The following PLCB1 variants were observed in gnomAD, a reference collection of about 807,000 sequenced individuals.
The protein encoded by PLCB1 is 1-phosphatidylinositol 4,5-bisphosphate phosphodiesterase beta-1.
PLCB1 carries 46 observed loss-of-function variants against 161.8 expected under a neutral mutation model. That is an observed-to-expected ratio of 0.28 (90% CI 0.22 to 0.36). The LOEUF is 0.36. PLCB1 is among the 10% of genes least tolerant of loss of function. The pLI is 1.00. For missense variants in PLCB1, 1,016 were observed against 1,472.5 expected (o/e 0.69, Z 5.07); for synonymous variants, 517 against 503.7 (o/e 1.03, Z -0.35).
intron 2 of PLCB1, among the ~76,000 whole-genome samples, chr20:8,310,036 T>G (rs1600304157): frequency 2.0e-5 from 3 of 152,178 alleles, no homozygotes; most frequent in Admixed American, 1.3e-4. Context: ...CTTTTTTTTT[T>G]CAACTATCTT....
In PLCB1 at chr20:8,498,574, C is replaced by T. The variant is rs567139535; in HGVS notation, c.246+127124C>T. 4.6e-5 allele frequency among the ~76,000 whole-genome samples: 7 copies of T among 152,184 alleles called. No individual in the cohort carries two copies. The South Asian group carries it at 8.3e-4, about 18-fold the overall frequency. On this transcript the variant is annotated intron_variant, in intron 3 of 31. Coordinates refer to ENST00000338037, the MANE Select transcript of PLCB1 (RefSeq NM_015192.4). ...CTTGGGGATCACAATCTCAAGGCGGCGGGGAACATCCGGAAATAAGATAGT... is the reference window on the plus strand; with the variant it reads ...CTTGGGGATCACAATCTCAAGGCGGTGGGGAACATCCGGAAATAAGATAGT...
chr20:8,429,414 T>C (rs183377257), intron 3 of PLCB1, among the ~76,000 whole-genome samples: 116 of 149,994 alleles, frequency 7.7e-4, no homozygotes, highest in Admixed American at 6.4e-3. Flanking sequence ...TTGTCTATTG[T>C]GTTTTTTAGG....
intron 4 of PLCB1, among the ~76,000 whole-genome samples, chr20:8,634,280 C>T (rs898979195): frequency 3.9e-5 from 6 of 152,088 alleles, no homozygotes; most frequent in Admixed American, 6.5e-5. Context: ...AGAAGAAATG[C>T]GCTCTCTAAA....
intron 2 of PLCB1, among the ~76,000 whole-genome samples, chr20:8,343,918 A>G (rs1985902366): frequency 6.6e-6 from 1 of 152,220 alleles, no homozygotes; most frequent in Admixed American, 6.5e-5. Flanking sequence ...GCTTTGTAGG[A>G]TATCAGGATT....
chr20:8,541,011 G>A (rs1005748760), intron 3 of PLCB1, among the ~76,000 whole-genome samples: 2 of 152,092 alleles, frequency 1.3e-5, no homozygotes, highest in East Asian at 1.9e-4. Context: ...CACCCAGAAA[G>A]TAAAGGCATA....
At chr20:8,771,261 A>G (rs1204016589) in intron 26 of PLCB1, among the ~76,000 whole-genome samples, 1 of 152,234 alleles carries the variant, frequency 6.6e-6, no homozygotes, top group Non-Finnish European at 1.5e-5. Context: ...TATTTTGGAT[A>G]TATTAAGTTA....
chr20:8,751,310 T>TA (rs1981469376), intron 23 of PLCB1: 1 of 153,578 alleles, frequency 6.5e-6, no homozygotes, highest in Non-Finnish European at 1.4e-5. Flanking sequence ...AGCCCAGTAA[T>TA]ACATATGATA....
chr20:8,240,028 A>G (rs1980519335), intron 2 of PLCB1, among the ~76,000 whole-genome samples: 2 of 152,032 alleles, frequency 1.3e-5, no homozygotes, highest in Admixed American at 1.3e-4. Flanking sequence ...CAGATTTCTG[A>G]AAACAAATTA....
chr20:8,456,673 A>G (rs996386286), intron 3 of PLCB1, among the ~76,000 whole-genome samples: 1 of 152,232 alleles, frequency 6.6e-6, no homozygotes, highest in African/African-American at 2.4e-5. Flanking sequence ...TTAACAAAAC[A>G]CCATAAACTG....
At chr20:8,439,001 G>A (rs1002525490) in intron 3 of PLCB1, among the ~76,000 whole-genome samples, 11 of 152,138 alleles carry the variant, frequency 7.2e-5, no homozygotes, top group East Asian at 1.9e-4. Context: ...AGTCAGCGAC[G>A]TGCTCTCGTA....
At chr20:8,444,657 TCCCAC>T (rs1283903929) in intron 3 of PLCB1, among the ~76,000 whole-genome samples, 1 of 152,230 alleles carries the variant, frequency 6.6e-6, no homozygotes, top group East Asian at 1.9e-4. Context: ...TAGTTTACAG[TCCCAC>T]CAACAATGTA....
intron 18 of PLCB1, among the ~76,000 whole-genome samples, chr20:8,730,062 G>C (rs1980152994): frequency 6.6e-6 from 1 of 151,868 alleles, no homozygotes; most frequent in Non-Finnish European, 1.5e-5. Flanking sequence ...ACATATTCAG[G>C]ACTATCGTCA....
chr20:8,705,931 T>C (rs2123446702), intron 11 of PLCB1, among the ~76,000 whole-genome samples: 1 of 152,334 alleles, frequency 6.6e-6, no homozygotes, highest in Middle Eastern at 3.4e-3. Flanking sequence ...TACTCATGTT[T>C]AGGAGCAATG....
At chr20:8,315,123 GA>G (rs1984580462) in intron 2 of PLCB1, among the ~76,000 whole-genome samples, 1 of 152,172 alleles carries the variant, frequency 6.6e-6, no homozygotes, top group African/African-American at 2.4e-5. Context: ...GAACAGACTG[GA>G]ACTCAGGTCA....
chr20:8,612,645 G>C (rs1987936188), intron 3 of PLCB1, among the ~76,000 whole-genome samples: 1 of 152,214 alleles, frequency 6.6e-6, no homozygotes, highest in East Asian at 1.9e-4. Flanking sequence ...GTTACTGATT[G>C]AGCCACATGT....
chr20:8,268,483 G>A (rs1222536734), intron 2 of PLCB1, among the ~76,000 whole-genome samples: 2 of 152,170 alleles, frequency 1.3e-5, no homozygotes, highest in Non-Finnish European at 2.9e-5. Flanking sequence ...TATATACCCA[G>A]TAATGGGATG....
chr20:8,834,043 T>C (rs1234121973), intron 31 of PLCB1, among the ~76,000 whole-genome samples: 2 of 152,192 alleles, frequency 1.3e-5, no homozygotes, highest in African/African-American at 2.4e-5. Context: ...CTTTTCAAGT[T>C]CATTCATTCA....
chr20:8,850,251 A>G (rs948986424), intron 31 of PLCB1, among the ~76,000 whole-genome samples: 2 of 152,186 alleles, frequency 1.3e-5, no homozygotes, highest in Non-Finnish European at 2.9e-5. Context: ...GCTCAAAAAT[A>G]CCCACAGGCA....
intron 2 of PLCB1, among the ~76,000 whole-genome samples, chr20:8,180,118 A>G (rs1217611722): frequency 6.6e-6 from 1 of 152,002 alleles, no homozygotes; most frequent in African/African-American, 2.4e-5. Context: ...TCGGCCTCCC[A>G]AAGTGCTGGG....
Sources: gnomAD v4.1 joint callset for allele counts (sites outside exome capture counted in the v4.1 genomes callset) on GRCh38, gnomAD v4.1.1 for gene constraint, MANE v1.5 for transcripts, NCBI Gene and HGNC (gene_info 2026-07-23, HGNC 2026-07-21) for gene names.